The following RPS6KC1 variants were observed in gnomAD, a reference collection of about 807,000 sequenced individuals.
RPS6KC1 encodes inactive ribosomal protein S6 kinase delta-1.
Under a neutral mutation model 103.8 loss-of-function variants are expected in RPS6KC1, and 54 were observed. The ratio of observed to expected loss-of-function variants is 0.52; its 90% confidence interval spans 0.42 to 0.65. RPS6KC1 has a LOEUF of 0.65. Ranked by LOEUF, RPS6KC1 falls within the 30% of genes least tolerant of loss-of-function variation. RPS6KC1 has a pLI of 0.00. For synonymous variants in RPS6KC1, 439 were observed against 438.7 expected (o/e 1.00, Z -0.01); for missense variants, 1,151 against 1,253.8 (o/e 0.92, Z 1.24).
the RPS6KC1 span, among the ~76,000 whole-genome samples, chr1:213,722,918 C>T: frequency 6.6e-6 from 1 of 152,184 alleles, no homozygotes; most frequent in Non-Finnish European, 1.5e-5. Context: ...GTGGCTCATG[C>T]CAGTAATCCC....
At chr1:213,146,200 T>C (rs999190186) in intron 6 of RPS6KC1, among the ~76,000 whole-genome samples, 3 of 151,800 alleles carry the variant, frequency 2.0e-5, no homozygotes, top group Non-Finnish European at 4.4e-5. Flanking sequence ...GTTCCATCCA[T>C]GGCGTCGCAA....
At chr1:213,219,745 A>G (rs1445293265) in intron 8 of RPS6KC1, among the ~76,000 whole-genome samples, 1 of 152,064 alleles carries the variant, frequency 6.6e-6, no homozygotes, top group East Asian at 1.9e-4. Context: ...CATTCTCAGC[A>G]AACTATTGCA....
At chr1:213,557,539 G>T in the RPS6KC1 span, among the ~76,000 whole-genome samples, 2,293 of 152,260 alleles carry the variant, frequency 0.015, 58 homozygotes, top group African/African-American at 0.052. Flanking sequence ...GCTCTAAGGA[G>T]TATGAGAATT....
At chr1:213,642,957 A>AT in the RPS6KC1 span, among the ~76,000 whole-genome samples, 2 of 151,658 alleles carry the variant, frequency 1.3e-5, no homozygotes, top group Non-Finnish European at 2.9e-5. Context: ...TCATCTGCTG[A>AT]TTTTATCAAA....
intron 8 of RPS6KC1, among the ~76,000 whole-genome samples, chr1:213,198,560 G>C (rs1386116257): frequency 6.6e-6 from 1 of 152,158 alleles, no homozygotes; most frequent in Non-Finnish European, 1.5e-5. Flanking sequence ...CAAACTTTTA[G>C]ATTTCTCTTC....
At chr1:213,547,364 G>C in the RPS6KC1 span, among the ~76,000 whole-genome samples, 1 of 152,218 alleles carries the variant, frequency 6.6e-6, no homozygotes, top group Non-Finnish European at 1.5e-5. Context: ...GCCACAGGCA[G>C]TACCAATGCT....
the RPS6KC1 span, among the ~76,000 whole-genome samples, chr1:213,806,543 TTG>T: frequency 1.3e-5 from 2 of 149,394 alleles, no homozygotes; most frequent in African/African-American, 5.0e-5. Context: ...ATGGCCTTCT[TTG>T]TCTCTTTTGA....
the RPS6KC1 span, among the ~76,000 whole-genome samples, chr1:213,550,246 G>T: frequency 6.6e-6 from 1 of 152,130 alleles, no homozygotes; most frequent in African/African-American, 2.4e-5. Context: ...TCAGACCCAG[G>T]GGGAAGAAAC....
the RPS6KC1 span, among the ~76,000 whole-genome samples, chr1:213,324,699 A>G: frequency 0.015 from 2,147 of 145,446 alleles, 78 homozygotes; most frequent in East Asian, 0.11. Flanking sequence ...ACCTTTTGTT[A>G]CCATTTGCTT....
the RPS6KC1 span, among the ~76,000 whole-genome samples, chr1:213,754,831 T>C: frequency 6.6e-6 from 1 of 152,216 alleles, no homozygotes; most frequent in Non-Finnish European, 1.5e-5. Context: ...ACATATGAAT[T>C]TGAGGGAACA....
the RPS6KC1 span, among the ~76,000 whole-genome samples, chr1:213,854,845 C>G: frequency 6.6e-6 from 1 of 152,150 alleles, no homozygotes; most frequent in Admixed American, 6.5e-5. Flanking sequence ...CCGCCTTATC[C>G]CAGGTCCCTG....
the RPS6KC1 span, among the ~76,000 whole-genome samples, chr1:213,308,660 C>T: frequency 1.4e-4 from 21 of 152,216 alleles, no homozygotes; most frequent in South Asian, 2.1e-4. Context: ...ATTCATTATC[C>T]GAGTCCCCAC....
the RPS6KC1 span, among the ~76,000 whole-genome samples, chr1:213,537,866 A>G: frequency 1.3e-5 from 2 of 152,202 alleles, no homozygotes; most frequent in South Asian, 4.1e-4. Flanking sequence ...GGTGCTTTGT[A>G]TATATCTATT....
chr1:213,363,627 T>C, the RPS6KC1 span, among the ~76,000 whole-genome samples: 3 of 30,004 alleles, frequency 1.0e-4, no homozygotes, highest in East Asian at 1.3e-3. Context: ...GCTTGCTTGC[T>C]TTCTTTCTTT....
Position 213,189,877 on chromosome 1 carries a change from C to T in RPS6KC1, c.1044+13385C>T, listed in dbSNP as rs187723568. Among the ~76,000 whole-genome samples, 11 of 152,118 alleles carry T rather than the reference C, an allele frequency of 7.2e-5. 1 individual carries two copies. Among genetic ancestry groups the T allele is most frequent in the Non-Finnish European group, 1.5e-5 (1 of 68,010 alleles). On this transcript the variant is annotated intron_variant, in intron 8 of 14. Coordinates refer to ENST00000366960, the MANE Select transcript of RPS6KC1 (RefSeq NM_012424.6). ...AGTTCAATTATTTTAATTTTTAACT[C>T]CCATAAATAAGTGAGTACATGCAAA...
the RPS6KC1 span, among the ~76,000 whole-genome samples, chr1:213,804,728 C>T: frequency 6.6e-6 from 1 of 152,162 alleles, no homozygotes; most frequent in Non-Finnish European, 1.5e-5. Context: ...TGCAGATGTG[C>T]CCCCAAGCAT....
chr1:213,098,577 G>A (rs1428668265), intron 3 of RPS6KC1, among the ~76,000 whole-genome samples: 1 of 152,094 alleles, frequency 6.6e-6, no homozygotes, highest in Non-Finnish European at 1.5e-5. Flanking sequence ...CCTGAGGAAA[G>A]GGAGATTGGG....
chr1:213,259,734 A>ATTTTTTTTTTTTTTTTTTTTTTTGTT (rs71147063), intron 12 of RPS6KC1, among the ~76,000 whole-genome samples: 1 of 97,918 alleles, frequency 1.0e-5, no homozygotes, highest in Non-Finnish European at 1.9e-5. Context: ...TGTTTTTTTA[A>ATTTTTTTTTTTTTTTTTTTTTTTGTT]TTTTTTTTTT....
intron 4 of RPS6KC1, among the ~76,000 whole-genome samples, chr1:213,109,431 C>T (rs777519216): frequency 6.6e-6 from 1 of 152,168 alleles, no homozygotes; most frequent in African/African-American, 2.4e-5. Flanking sequence ...GCAACCGTGC[C>T]CGGCCCGATA....
Sources: allele counts gnomAD v4.1 joint callset (sites outside exome capture counted in the v4.1 genomes callset), GRCh38; gene constraint gnomAD v4.1.1; transcripts MANE v1.5; gene names NCBI Gene and HGNC (gene_info 2026-07-23, HGNC 2026-07-21).